The following SAXO1 variants were observed in gnomAD, a reference collection of about 807,000 sequenced individuals.
SAXO1 encodes 4930500O09Rik.
A neutral mutation model predicts 17.5 loss-of-function variants in SAXO1; 21 were observed. The ratio of observed to expected loss-of-function variants is 1.20; its 90% CI spans 0.85 to 1.72. SAXO1 has a LOEUF of 1.72. SAXO1 is among the 40% of genes most tolerant of loss of function. SAXO1 has a pLI of 0.00. For missense variants in SAXO1, 843 were observed against 596.0 expected (o/e 1.41, Z -4.32); for synonymous variants, 274 against 216.5 (o/e 1.27, Z -2.33).
chr9:18,961,532 C>G (rs965950284), intron 1 of SAXO1, among the ~76,000 whole-genome samples: 1 of 152,086 alleles, frequency 6.6e-6, no homozygotes, highest in Non-Finnish European at 1.5e-5. Flanking sequence ...GTTCCCCTCC[C>G]TGTGTCCATG....
At chr9:19,022,367 A>T (rs1235836584) in intron 1 of SAXO1, among the ~76,000 whole-genome samples, 1 of 152,230 alleles carries the variant, frequency 6.6e-6, no homozygotes, top group African/African-American at 2.4e-5. Flanking sequence ...AGTGAGTGAG[A>T]CCAAGAATCC....
intron 1 of SAXO1, among the ~76,000 whole-genome samples, chr9:19,024,244 G>T (rs1739914294): frequency 6.6e-6 from 1 of 151,850 alleles, no homozygotes; most frequent in African/African-American, 2.4e-5. Context: ...CTGCCCTGCA[G>T]CAAGGGCAGC....
At chr9:19,043,579 C>T (rs1362370399) in intron 1 of SAXO1, among the ~76,000 whole-genome samples, 1 of 151,882 alleles carries the variant, frequency 6.6e-6, no homozygotes, top group Non-Finnish European at 1.5e-5. Context: ...GCAATCTGGG[C>T]AACATAGTGG....
Position 18,928,660 on chromosome 9 carries a change from C to T in SAXO1, c.817G>A (p.Glu273Lys). The change falls in exon 4 of 4, where the codon GAG becomes AAG. Residue 273 changes from glutamate (E) to lysine (K), a missense_variant. By Grantham distance (56) the Glu-to-Lys change is moderately conservative (BLOSUM62 1). Transcript: ENST00000380534. ...CAAGCTTGGTACTTATCTCGAAACTCAGTGGTGTTACAGAAAGGCATGTCT... is the reference window on the plus strand; with the variant it reads ...CAAGCTTGGTACTTATCTCGAAACTTAGTGGTGTTACAGAAAGGCATGTCT... ...GLDMPFCNTT[E>K]FRDKYQAWPM... 6.2e-7 allele frequency: 1 copy of T among 1,614,074 alleles called. No homozygotes were observed. Among genetic ancestry groups the T allele is most frequent in the Non-Finnish European group, 8.5e-7 (1 of 1,180,022 alleles).
intron 1 of SAXO1, among the ~76,000 whole-genome samples, chr9:19,047,848 A>G (rs1392639814): frequency 2.0e-5 from 3 of 152,242 alleles, no homozygotes; most frequent in African/African-American, 7.2e-5. Context: ...CAAATGAGCC[A>G]AAAATGAGAA....
intron 3 of SAXO1, among the ~76,000 whole-genome samples, chr9:18,939,792 T>G (rs144842287): frequency 6.6e-6 from 1 of 152,348 alleles, no homozygotes; most frequent in East Asian, 1.9e-4. Flanking sequence ...AAATAATGAT[T>G]TTATCGTTTG....
intron 1 of SAXO1, chr9:19,028,025 G>T: frequency 6.2e-7 from 1 of 1,608,860 alleles, no homozygotes; most frequent in Non-Finnish European, 8.5e-7. Flanking sequence ...GTGGAGGCGG[G>T]TATGATCGCA....
chr9:19,048,871 A>G (rs1364922303), intron 1 of SAXO1, among the ~76,000 whole-genome samples: 1 of 152,240 alleles, frequency 6.6e-6, no homozygotes, highest in African/African-American at 2.4e-5. Flanking sequence ...AGATGTGAGA[A>G]AGGAATTAAA....
At chr9:19,017,688 G>A (rs565658603) in intron 1 of SAXO1, among the ~76,000 whole-genome samples, 1 of 152,318 alleles carries the variant, frequency 6.6e-6, no homozygotes, top group East Asian at 1.9e-4. Flanking sequence ...CTTCAACCAA[G>A]AATCCTGAAT....
At chr9:19,011,855 T>TTTG (rs1834747712) in intron 1 of SAXO1, among the ~76,000 whole-genome samples, 2 of 150,824 alleles carry the variant, frequency 1.3e-5, no homozygotes, top group South Asian at 4.2e-4. Flanking sequence ...ATAGATTTTT[T>TTTG]TTTTTTTTTG....
chr9:18,990,145 G>A (rs1047027674), intron 1 of SAXO1, among the ~76,000 whole-genome samples: 6 of 148,672 alleles, frequency 4.0e-5, no homozygotes, highest in South Asian at 4.4e-4. Context: ...CCTACCCTGC[G>A]CACACCAAGC....
At chr9:18,930,941 G>A (rs1019831159) in intron 3 of SAXO1, among the ~76,000 whole-genome samples, 2 of 152,098 alleles carry the variant, frequency 1.3e-5, no homozygotes, top group African/African-American at 4.8e-5. Flanking sequence ...CTGTACGAAA[G>A]GTTAGAAAAA....
At chr9:19,034,177 A>G (rs781563840), upstream of SAXO1, among the ~76,000 whole-genome samples, 1 of 152,190 alleles carries the variant, frequency 6.6e-6, no homozygotes, top group African/African-American at 2.4e-5. Flanking sequence ...TTTCTTTCCT[A>G]TGCTTCCTAA....
At chr9:18,933,764 G>T (rs1354210720) in intron 3 of SAXO1, among the ~76,000 whole-genome samples, 1 of 152,078 alleles carries the variant, frequency 6.6e-6, no homozygotes, top group Non-Finnish European at 1.5e-5. Flanking sequence ...TGTCATTTTT[G>T]GGCCGGGCAC....
chr9:19,020,778 A>C (rs989132574), intron 1 of SAXO1, among the ~76,000 whole-genome samples: 1 of 152,226 alleles, frequency 6.6e-6, no homozygotes. Context: ...TTGATTAAAA[A>C]TGTTGAACAT....
intron 3 of SAXO1, among the ~76,000 whole-genome samples, chr9:18,934,001 G>C (rs1831178605): frequency 6.6e-6 from 1 of 152,250 alleles, no homozygotes; most frequent in South Asian, 2.1e-4. Flanking sequence ...AGCCGAGATT[G>C]CAGCCACTGC....
chr9:19,027,870 G>A lies in SAXO1; in HGVS notation c.38+5001C>T, dbSNP rs1261880876. On this transcript the variant is annotated intron_variant, in intron 1 of 3. Coordinates refer to ENST00000380534, the MANE Select transcript of SAXO1 (RefSeq NM_153707.4). ...CTGGACCCCGCCCTGCTACGCTAGG[G>A]CGGCCTGGACCGCAAGATCGAGTGC... The A allele has an allele frequency of 1.0e-5, 14 of 1,382,812 alleles. No individual in the cohort carries two copies. In the East Asian group the frequency reaches 1.4e-4, roughly 14 times the overall value. The allele number at this position is 1,382,812 out of a possible 1,614,324, so 85.7% of individuals were successfully genotyped here. A position where few individuals can be genotyped will look rare whatever the true frequency, so the allele number is the denominator to read the frequency against.
intron 1 of SAXO1, among the ~76,000 whole-genome samples, chr9:19,003,919 C>T (rs1834385874): frequency 6.6e-6 from 1 of 152,170 alleles, no homozygotes; most frequent in South Asian, 2.1e-4. Flanking sequence ...TAAAGAGCTT[C>T]TGCAAAGCAA....
At chr9:19,032,800 G>T in intron 1 of SAXO1, 71 bp downstream of exon 1, 2 of 1,544,990 alleles carry the variant, frequency 1.3e-6, no homozygotes, top group South Asian at 1.2e-5. Context: ...AGCAGCTGGG[G>T]GAGGCTTCCC....
Sources: gnomAD v4.1 joint callset for allele counts (sites outside exome capture counted in the v4.1 genomes callset) on GRCh38, gnomAD v4.1.1 for gene constraint, MANE v1.5 for transcripts, NCBI Gene and HGNC (gene_info 2026-07-23, HGNC 2026-07-21) for gene names.